The following STRIT1 variants were observed in gnomAD, a reference collection of about 807,000 sequenced individuals.
STRIT1 encodes the protein small transmembrane regulator of ion transport 1, also known as sarcoplasmic/endoplasmic reticulum calcium ATPase regulator DWORF.
rs1715689594 is a variant in STRIT1 at position 155,293,604 on chromosome 3, A to G, written c.13+16T>C. 2.5e-6 allele frequency: 1 copy of G among 393,810 alleles called. No homozygotes were observed. Among genetic ancestry groups the G allele is most frequent in the Admixed American group, 4.5e-5 (1 of 22,032 alleles). The allele number at this position is 393,810 out of a possible 1,614,324, so 24.4% of individuals were successfully genotyped here. On this transcript the variant is annotated intron_variant, in intron 1 of 2. Coordinates refer to ENST00000489090, the MANE Select transcript of STRIT1 (RefSeq NM_001352129.2). The stretch of plus-strand genomic sequence containing the variant: ...TTTTTTTTTTTGCCAAGAGAATCCT[A>G]TGCCTTAAATCTTACCTTTTTCAGC...
In STRIT1 at chr3:155,293,625, T is replaced by G; in HGVS notation, c.8A>C (p.Glu3Ala). ...TCCTATGCCTTAAATCTTACCTTTT[T>G]CAGCCATTATTCCTGTTGGTGGGTG... MA[E>A]KAGSTFSHLL... The change falls in exon 1 of 3, where the codon GAA (glutamate) becomes GCA (alanine). Residue 3 changes from glutamate (E) to alanine (A), a missense_variant. Transcript: ENST00000489090. 1 of 398,450 alleles carries G rather than the reference T, an allele frequency of 2.5e-6. No homozygotes were observed. 24.7% of individuals were successfully genotyped at this position (398,450 alleles called of 1,614,324 possible). A position where few individuals can be genotyped will look rare whatever the true frequency, so the allele number is the denominator to read the frequency against.
chr3:155,291,666 A>G (rs563645514), intron 1 of STRIT1, among the ~76,000 whole-genome samples: 3 of 152,280 alleles, frequency 2.0e-5, no homozygotes, highest in East Asian at 1.9e-4. Context: ...CAGTATAACA[A>G]CCAGCACTGA....
chr3:155,291,478 C>T (rs1715636547), intron 1 of STRIT1, among the ~76,000 whole-genome samples: 1 of 152,154 alleles, frequency 6.6e-6, no homozygotes, highest in Non-Finnish European at 1.5e-5. Context: ...CAATCTAATA[C>T]AACTCTGAGG....
Position 155,290,671 on chromosome 3 carries a change from C to G in STRIT1, c.*180G>C. 1 of 258,334 alleles carries G rather than the reference C, an allele frequency of 3.9e-6. No homozygotes were observed. Among genetic ancestry groups the G allele is most frequent in the Non-Finnish European group, 7.2e-6 (1 of 138,308 alleles). The allele number at this position is 258,334 out of a possible 1,614,324, so 16.0% of individuals were successfully genotyped here. A position where few individuals can be genotyped will look rare whatever the true frequency, so the allele number is the denominator to read the frequency against. On this transcript the variant is annotated 3_prime_UTR_variant, in exon 3 of 3. Coordinates refer to ENST00000489090, the MANE Select transcript of STRIT1 (RefSeq NM_001352129.2). Reference sequence around the variant, plus strand: ...CTCACTCAGAATATAGAGAAATTCACTCATAATTTCTTATTGTCCTGAAGA... The same window carrying G: ...CTCACTCAGAATATAGAGAAATTCAGTCATAATTTCTTATTGTCCTGAAGA...
intron 1 of STRIT1, among the ~76,000 whole-genome samples, chr3:155,291,488 G>T (rs1282876739): frequency 1.3e-5 from 2 of 152,060 alleles, no homozygotes; most frequent in African/African-American, 2.4e-5. Flanking sequence ...CAACTCTGAG[G>T]CAATTCCCAC....
Position 155,290,753 on chromosome 3 carries a change from A to T in STRIT1, c.*98T>A. ...GATCCAAGTTTGTAAAGTGATGTCA[A>T]ACATTGCATTGTTTAACATGAGACA... is the stretch of plus-strand genomic sequence containing the variant. On this transcript the variant is annotated 3_prime_UTR_variant, in exon 3 of 3. Coordinates refer to ENST00000489090, the MANE Select transcript of STRIT1 (RefSeq NM_001352129.2). 2.7e-6 allele frequency: 1 copy of T among 371,248 alleles called. No individual in the cohort carries two copies. Among genetic ancestry groups the T allele is most frequent in the Non-Finnish European group, 4.8e-6 (1 of 209,134 alleles). 23.0% of individuals were successfully genotyped at this position (371,248 alleles called of 1,614,324 possible). A position where few individuals can be genotyped will look rare whatever the true frequency, so the allele number is the denominator to read the frequency against.
chr3:155,290,863 T>C lies in STRIT1; in HGVS notation c.*5-17A>G, dbSNP rs922250159. On this transcript the variant is annotated splice_polypyrimidine_tract_variant and intron_variant, in intron 2 of 2. Transcript: ENST00000489090. Reference sequence around the variant, plus strand: ...TCTTCTTGCCTGAAAGACAAAACATTCCATTAGTAAAATAGAAAAGATTGT... The same window carrying C: ...TCTTCTTGCCTGAAAGACAAAACATCCCATTAGTAAAATAGAAAAGATTGT... 2.5e-6 allele frequency: 1 copy of C among 396,562 alleles called. No homozygotes were observed. The highest frequency in any genetic ancestry group is 4.4e-6 in the Non-Finnish European group (1 of 224,790). 24.6% of individuals were successfully genotyped at this position (396,562 alleles called of 1,614,324 possible).
chr3:155,290,827 T>C lies in STRIT1; in HGVS notation c.*24A>G, dbSNP rs1273588347. On this transcript the variant is annotated 3_prime_UTR_variant, in exon 3 of 3. Transcript: ENST00000489090. ...GTTTTCTTAATTCTTCTAAATGATG[T>C]CAATCTGATATCTTCTTGCCTGAAA... 5 of 394,052 alleles carry C rather than the reference T, an allele frequency of 1.3e-5. No homozygotes were observed. The highest frequency in any genetic ancestry group is 2.2e-5 in the Non-Finnish European group (5 of 223,392). 24.4% of individuals were successfully genotyped at this position (394,052 alleles called of 1,614,324 possible).
At chr3:155,292,075 C>T (rs1320429724) in intron 1 of STRIT1, among the ~76,000 whole-genome samples, 1 of 152,056 alleles carries the variant, frequency 6.6e-6, no homozygotes, top group African/African-American at 2.4e-5. Flanking sequence ...TTTAAAAATG[C>T]TATTAAAATA....
chr3:155,293,269 C>T (rs1189085480), intron 1 of STRIT1, among the ~76,000 whole-genome samples: 1 of 152,102 alleles, frequency 6.6e-6, no homozygotes, highest in Non-Finnish European at 1.5e-5. Context: ...TGCAAACTCA[C>T]ATAGCCATTT....
intron 2 of STRIT1, 22 bp downstream of exon 2, chr3:155,290,918 A>G (rs1715620137): frequency 5.0e-6 from 2 of 398,572 alleles, no homozygotes; most frequent in East Asian, 3.6e-5. Context: ...ATAAATAAAC[A>G]TTCAATTATT....
chr3:155,292,294 T>C (rs1016984192), intron 1 of STRIT1, among the ~76,000 whole-genome samples: 5 of 152,162 alleles, frequency 3.3e-5, no homozygotes, highest in African/African-American at 4.8e-5. Context: ...GGAAAACTCT[T>C]CTCTTTACTT....
rs1715603375 is a variant in STRIT1, at chr3:155,290,357, T to C, written c.*494A>G. ...GTGTACTTTTACATTATATGTTCTC[T>C]GAATTGTCTGTTTTTATCTCTAGCC... On this transcript the variant is annotated 3_prime_UTR_variant, in exon 3 of 3. Coordinates refer to ENST00000489090, the MANE Select transcript of STRIT1 (RefSeq NM_001352129.2). 1 of 151,272 alleles carries C rather than the reference T, an allele frequency of 6.6e-6. No individual in the cohort carries two copies. The highest frequency in any genetic ancestry group is 1.5e-5 in the Non-Finnish European group (1 of 67,866). The allele number at this position is 151,272 out of a possible 1,614,324, so 9.4% of individuals were successfully genotyped here. A position where few individuals can be genotyped will look rare whatever the true frequency, so the allele number is the denominator to read the frequency against.
chr3:155,290,759 G>C lies in STRIT1; in HGVS notation c.*92C>G. 2.7e-6 allele frequency: 1 copy of C among 373,582 alleles called. No individual in the cohort carries two copies. The highest frequency in any genetic ancestry group is 3.8e-5 in the East Asian group (1 of 26,204). 23.1% of individuals were successfully genotyped at this position (373,582 alleles called of 1,614,324 possible). ...AGTTTGTAAAGTGATGTCAAACATTGCATTGTTTAACATGAGACATTTAAT... is the reference window on the plus strand; with the variant it reads ...AGTTTGTAAAGTGATGTCAAACATTCCATTGTTTAACATGAGACATTTAAT... On this transcript the variant is annotated 3_prime_UTR_variant, in exon 3 of 3. Coordinates refer to ENST00000489090, the MANE Select transcript of STRIT1 (RefSeq NM_001352129.2).
rs1015308214 is a variant in STRIT1 at position 155,290,652 on chromosome 3, CAG to C, written c.*197_*198del. On this transcript the variant is annotated 3_prime_UTR_variant, in exon 3 of 3. Transcript: ENST00000489090. ...ATCACAGCTAAACATTTTTCTCACT[CAG>C]AATATAGAGAAATTCACTCATAATT... 8.1e-5 allele frequency: 18 copies of C among 221,836 alleles called. No individual in the cohort carries two copies. The highest frequency in any genetic ancestry group is 1.5e-4 in the Non-Finnish European group (17 of 114,636). The allele number at this position is 221,836 out of a possible 1,614,324, so 13.7% of individuals were successfully genotyped here. A position where few individuals can be genotyped will look rare whatever the true frequency, so the allele number is the denominator to read the frequency against.
chr3:155,293,529 T>G (rs1190369200), intron 1 of STRIT1, 91 bp downstream of exon 1: 1 of 397,502 alleles, frequency 2.5e-6, no homozygotes, highest in Non-Finnish European at 4.4e-6. Context: ...TTTTTTAGAG[T>G]GACTGGGAAA....
chr3:155,292,020 A>G (rs1436886026), intron 1 of STRIT1, among the ~76,000 whole-genome samples: 2 of 152,182 alleles, frequency 1.3e-5, no homozygotes, highest in African/African-American at 4.8e-5. Context: ...TATTCTTAGC[A>G]ATTATACTCC....
chr3:155,290,909 T>C, intron 2 of STRIT1, 31 bp downstream of exon 2: 1 of 398,388 alleles, frequency 2.5e-6, no homozygotes, highest in Non-Finnish European at 4.4e-6. Context: ...ATTTAGACTA[T>C]AAATAAACAT....
chr3:155,292,787 G>A (rs1715666438), intron 1 of STRIT1, among the ~76,000 whole-genome samples: 1 of 152,124 alleles, frequency 6.6e-6, no homozygotes, highest in African/African-American at 2.4e-5. Flanking sequence ...TAAACATGAA[G>A]TGTAATTCTA....
Sources: allele counts gnomAD v4.1 joint callset (sites outside exome capture counted in the v4.1 genomes callset), GRCh38; gene constraint gnomAD v4.1.1; transcripts MANE v1.5; gene names NCBI Gene and HGNC (gene_info 2026-07-23, HGNC 2026-07-21).